The following FRYL variants were observed in gnomAD, a reference collection of about 807,000 sequenced individuals.
The protein encoded by FRYL is protein furry homolog-like.
Under a neutral mutation model 351.2 loss-of-function variants are expected in FRYL, and 150 were observed. That is an observed-to-expected ratio of 0.43 (90% CI 0.37 to 0.49). FRYL has a LOEUF of 0.49. Among genes scored for constraint, FRYL ranks in the 20% least tolerant of loss-of-function variants. The pLI, the probability that FRYL is intolerant of heterozygous loss-of-function variation, is 0.00. For missense variants in FRYL, 3,036 were observed against 3,619.3 expected (o/e 0.84, Z 4.13); for synonymous variants, 1,153 against 1,257.1 (o/e 0.92, Z 1.75).
At chr4:48,672,938 T>G (rs1342890467) in intron 3 of FRYL, among the ~76,000 whole-genome samples, 1 of 152,198 alleles carries the variant, frequency 6.6e-6, no homozygotes, top group Non-Finnish European at 1.5e-5. Flanking sequence ...TAACACAAGT[T>G]AACAACTGAG....
intron 1 of FRYL, among the ~76,000 whole-genome samples, chr4:48,774,546 ATT>A (rs1440410385): frequency 2.3e-4 from 33 of 142,960 alleles, no homozygotes; most frequent in Admixed American, 2.1e-4. Context: ...AATACAAATA[ATT>A]TTTTTTTTTT....
intron 13 of FRYL, among the ~76,000 whole-genome samples, chr4:48,598,643 G>T (rs1009079382): frequency 6.6e-6 from 1 of 151,988 alleles, no homozygotes; most frequent in African/African-American, 2.4e-5. Context: ...CATCTTCTTG[G>T]GGCCACACTG....
intron 1 of FRYL, among the ~76,000 whole-genome samples, chr4:48,776,359 C>CA (rs1371806508): frequency 2.6e-5 from 4 of 152,114 alleles, no homozygotes; most frequent in African/African-American, 9.6e-5. Context: ...CTTTGATAAG[C>CA]AAAAACTTTT....
At chr4:48,767,192 C>A (rs1775049692) in intron 1 of FRYL, among the ~76,000 whole-genome samples, 1 of 152,020 alleles carries the variant, frequency 6.6e-6, no homozygotes, top group East Asian at 1.9e-4. Flanking sequence ...AGGAAACTTA[C>A]AATCATGGCA....
chr4:48,579,329 A>T, intron 22 of FRYL, 88 bp from the exon 23 acceptor site: 1 of 1,058,100 alleles, frequency 9.5e-7, no homozygotes, highest in Non-Finnish European at 1.4e-6. Context: ...AAAGTGGTGT[A>T]TTAGTAGTTT....
Position 48,546,694 on chromosome 4 carries a change from T to C in FRYL, c.5075-423A>G, listed in dbSNP as rs187970525. 4.4e-4 allele frequency: 76 copies of C among 171,242 alleles called. 1 individual carries two copies. Among genetic ancestry groups the C allele is most frequent in the South Asian group, 1.5e-3 (11 of 7,200 alleles). 10.6% of individuals were successfully genotyped at this position (171,242 alleles called of 1,614,324 possible). A position where few individuals can be genotyped will look rare whatever the true frequency, so the allele number is the denominator to read the frequency against. On this transcript the variant is annotated intron_variant, in intron 41 of 63. Transcript: ENST00000358350. ...AAGGCTCATCTATCTGAAATACACA[T>C]AGTGCATCAATCATTTTTTAAAAAA...
chr4:48,631,418 G>A (rs1340114296), intron 4 of FRYL, among the ~76,000 whole-genome samples: 6 of 151,800 alleles, frequency 4.0e-5, no homozygotes, highest in South Asian at 4.2e-4. Context: ...AAGAACTATC[G>A]GAAGCTCTGG....
intron 53 of FRYL, among the ~76,000 whole-genome samples, chr4:48,525,744 TGA>T (rs1241671165): frequency 6.6e-6 from 1 of 152,046 alleles, no homozygotes; most frequent in Non-Finnish European, 1.5e-5. Context: ...TATATGTACA[TGA>T]GAGTTGATGG....
chr4:48,705,852 T>G (rs185889850), intron 2 of FRYL, among the ~76,000 whole-genome samples: 1 of 152,306 alleles, frequency 6.6e-6, no homozygotes, highest in African/African-American at 2.4e-5. Flanking sequence ...TCCTTTTTTT[T>G]TTGACACAGA....
At chr4:48,527,915 C>A in intron 52 of FRYL, 56 bp downstream of exon 52, 2 of 1,318,618 alleles carry the variant, frequency 1.5e-6, no homozygotes, top group South Asian at 1.4e-5. Context: ...CAGATCATTT[C>A]TTCAAGGAAT....
chr4:48,582,473 G>C, intron 20 of FRYL, 24 bp downstream of exon 20: 1 of 1,461,318 alleles, frequency 6.8e-7, no homozygotes, highest in South Asian at 1.1e-5. Context: ...ACATACAAAA[G>C]GACAATAGAA....
At chr4:48,650,473 G>C (rs1757393312) in intron 3 of FRYL, among the ~76,000 whole-genome samples, 1 of 152,214 alleles carries the variant, frequency 6.6e-6, no homozygotes, top group Non-Finnish European at 1.5e-5. Flanking sequence ...AAGTGAAGAA[G>C]AGAACAGATG....
chr4:48,574,468 T>C (rs1318264939), intron 25 of FRYL: 1 of 152,212 alleles, frequency 6.6e-6, no homozygotes, highest in Non-Finnish European at 1.5e-5. Context: ...TGTTCCTCTC[T>C]ATGGAAATCT....
intron 28 of FRYL, among the ~76,000 whole-genome samples, chr4:48,566,513 G>T (rs1240267463): frequency 6.6e-6 from 1 of 152,116 alleles, no homozygotes; most frequent in Non-Finnish European, 1.5e-5. Flanking sequence ...CTTTGACAGT[G>T]TCATTTTCCT....
At chr4:48,559,246 C>T (rs947007118) in intron 33 of FRYL, among the ~76,000 whole-genome samples, 3 of 151,838 alleles carry the variant, frequency 2.0e-5, no homozygotes, top group African/African-American at 7.3e-5. Context: ...GTATAAAAGA[C>T]ATGGAGCTCA....
chr4:48,772,746 T>C (rs1775651054), intron 1 of FRYL, among the ~76,000 whole-genome samples: 1 of 142,104 alleles, frequency 7.0e-6, no homozygotes, highest in South Asian at 2.2e-4. Context: ...AATACTACAC[T>C]GAAATCCATT....
At chr4:48,605,062 C>A (rs920456365) in intron 11 of FRYL, among the ~76,000 whole-genome samples, 1 of 152,124 alleles carries the variant, frequency 6.6e-6, no homozygotes, top group African/African-American at 2.4e-5. Context: ...TACATGATAG[C>A]CTGTTTTCTT....
chr4:48,672,612 T>G (rs767601565), intron 3 of FRYL, among the ~76,000 whole-genome samples: 6 of 152,244 alleles, frequency 3.9e-5, no homozygotes, highest in Non-Finnish European at 5.9e-5. Flanking sequence ...GAAAGTTCCA[T>G]AGCAAACTGA....
intron 56 of FRYL, among the ~76,000 whole-genome samples, chr4:48,514,182 G>A (rs1397693665): frequency 2.0e-5 from 3 of 151,984 alleles, no homozygotes; most frequent in Admixed American, 6.6e-5. Context: ...TGAAATACTC[G>A]ATAATTATTA....
Sources: allele counts gnomAD v4.1 joint callset (sites outside exome capture counted in the v4.1 genomes callset), GRCh38; gene constraint gnomAD v4.1.1; transcripts MANE v1.5; gene names NCBI Gene and HGNC (gene_info 2026-07-23, HGNC 2026-07-21).